Variants in PPM1E observed in about 807,000 individuals in gnomAD.
PPM1E encodes protein phosphatase 1E.
In PPM1E, 20 loss-of-function variants were observed where a neutral mutation model predicts 65.9. The ratio of observed to expected loss-of-function variants is 0.30; its 90% CI spans 0.21 to 0.44. The LOEUF is 0.44. PPM1E is among the 20% of genes least tolerant of loss of function. PPM1E has a pLI of 1.00. For synonymous variants in PPM1E, 352 were observed against 374.9 expected (o/e 0.94, Z 0.70); for missense variants, 713 against 953.1 (o/e 0.75, Z 3.32).
At chr17:58,946,406 TA>T (rs2052151192) in intron 1 of PPM1E, among the ~76,000 whole-genome samples, 1 of 152,178 alleles carries the variant, frequency 6.6e-6, no homozygotes, top group East Asian at 1.9e-4. Flanking sequence ...ATTATTGAAA[TA>T]TAAGGATTCG....
At chr17:58,944,982 C>T (rs1223917109) in intron 1 of PPM1E, among the ~76,000 whole-genome samples, 4 of 152,202 alleles carry the variant, frequency 2.6e-5, no homozygotes, top group East Asian at 1.9e-4. Flanking sequence ...TAGTTGCCAA[C>T]ACCTGTTATT....
chr17:58,880,921 A>G (rs1567862592), intron 1 of PPM1E, among the ~76,000 whole-genome samples: 1 of 152,094 alleles, frequency 6.6e-6, no homozygotes, highest in Non-Finnish European at 1.5e-5. Context: ...GTTTGTGTAT[A>G]TATCAATAAT....
chr17:58,871,861 A>G (rs1426885942), intron 1 of PPM1E, among the ~76,000 whole-genome samples: 1 of 151,602 alleles, frequency 6.6e-6, no homozygotes, highest in Non-Finnish European at 1.5e-5. Context: ...TATATTTGTC[A>G]GTTGTCAGTT....
intron 1 of PPM1E, among the ~76,000 whole-genome samples, chr17:58,775,212 T>C (rs1339747946): frequency 1.3e-5 from 2 of 152,190 alleles, no homozygotes; most frequent in African/African-American, 4.8e-5. Context: ...GCTTGTAATG[T>C]AGAACACTGG....
chr17:58,873,562 A>AGTAT (rs2051094542), intron 1 of PPM1E, among the ~76,000 whole-genome samples: 1 of 123,904 alleles, frequency 8.1e-6, no homozygotes, highest in African/African-American at 2.9e-5. Flanking sequence ...CAAAATGCTC[A>AGTAT]TAGTATTATT....
chr17:58,942,133 C>T (rs751374546), intron 1 of PPM1E, among the ~76,000 whole-genome samples: 3 of 152,068 alleles, frequency 2.0e-5, no homozygotes, highest in Admixed American at 6.6e-5. Context: ...CACCTGTAAT[C>T]CCAGTACTTT....
At chr17:58,763,721 G>A (rs992067165) in intron 1 of PPM1E, among the ~76,000 whole-genome samples, 5 of 152,006 alleles carry the variant, frequency 3.3e-5, no homozygotes, top group African/African-American at 7.2e-5. Flanking sequence ...ATTTCTCTAC[G>A]TTCTTGCTAC....
At chr17:58,852,761 A>G (rs1485245898) in intron 1 of PPM1E, among the ~76,000 whole-genome samples, 2 of 151,628 alleles carry the variant, frequency 1.3e-5, no homozygotes, top group Non-Finnish European at 2.9e-5. Context: ...ACACCACCAC[A>G]TCCAGCTAAT....
chr17:58,888,555 G>A (rs2051309169), intron 1 of PPM1E, among the ~76,000 whole-genome samples: 1 of 151,490 alleles, frequency 6.6e-6, no homozygotes, highest in Non-Finnish European at 1.5e-5. Context: ...GTAGAGACGG[G>A]GTTTCTTCAT....
intron 1 of PPM1E, among the ~76,000 whole-genome samples, chr17:58,888,919 C>A (rs960492665): frequency 6.6e-6 from 1 of 152,068 alleles, no homozygotes; most frequent in African/African-American, 2.4e-5. Context: ...ACATTTTAGA[C>A]AGGTATGGAT....
intron 1 of PPM1E, among the ~76,000 whole-genome samples, chr17:58,854,621 G>GT (rs2050862663): frequency 6.6e-6 from 1 of 151,896 alleles, no homozygotes; most frequent in Admixed American, 6.6e-5. Flanking sequence ...TATCATTAAA[G>GT]TTTTTTTGAA....
In PPM1E at chr17:58,767,766, C is replaced by A. The variant is rs1383413892; in HGVS notation, c.464+11305C>A. Among the ~76,000 whole-genome samples the A allele has an allele frequency of 2.0e-5, 3 of 152,176 alleles. No homozygotes were observed. The East Asian group carries it at 5.8e-4, about 29-fold the overall frequency. On this transcript the variant is annotated intron_variant, in intron 1 of 6. Transcript: ENST00000308249. ...CAAGTGATTCTCCTGCCTTAGGCTC[C>A]CGAGTAGCTGGGATTACAGGCATGC...
chr17:58,902,310 G>A (rs1303029303), intron 1 of PPM1E, among the ~76,000 whole-genome samples: 1 of 151,474 alleles, frequency 6.6e-6, no homozygotes, highest in Admixed American at 6.6e-5. Context: ...TTAATTTAAA[G>A]TTTGTTATAG....
intron 1 of PPM1E, among the ~76,000 whole-genome samples, chr17:58,891,832 C>CTTTTTTTTTTT (rs5821250): frequency 4.7e-5 from 4 of 85,496 alleles, no homozygotes; most frequent in Non-Finnish European, 6.4e-5. Context: ...TTTTCTTTTT[C>CTTTTTTTTTTT]TTTTTTTTTT....
intron 1 of PPM1E, among the ~76,000 whole-genome samples, chr17:58,882,694 A>G (rs2051211266): frequency 6.6e-6 from 1 of 151,756 alleles, no homozygotes; most frequent in African/African-American, 2.4e-5. Flanking sequence ...CCTGGCCTGC[A>G]TTGTTTTTCA....
At chr17:58,799,451 T>C (rs1489535591) in intron 1 of PPM1E, among the ~76,000 whole-genome samples, 1 of 151,866 alleles carries the variant, frequency 6.6e-6, no homozygotes, top group African/African-American at 2.4e-5. Context: ...TCAGTTACTT[T>C]TTTTTTTTTG....
chr17:58,842,359 G>A (rs1009897818), intron 1 of PPM1E, among the ~76,000 whole-genome samples: 2 of 152,136 alleles, frequency 1.3e-5, no homozygotes, highest in African/African-American at 4.8e-5. Context: ...ATCAAACTAT[G>A]GACCAGTTAA....
At chr17:58,905,978 AATTATTG>A (rs1293104183) in intron 1 of PPM1E, among the ~76,000 whole-genome samples, 1 of 152,148 alleles carries the variant, frequency 6.6e-6, no homozygotes, top group Non-Finnish European at 1.5e-5. Context: ...AAAGGTTATT[AATTATTG>A]ATTCAATTTC....
At position 58,859,375 on chromosome 17, in the gene PPM1E, A is replaced by G. The variant is rs116120808; in HGVS notation, c.465-96274A>G. Reference sequence around the variant, plus strand: ...TCAAGGCTCAAAATAATTTAAAGTTACAACAGCTTTAAGTTTAAATTATTT... The same window carrying G: ...TCAAGGCTCAAAATAATTTAAAGTTGCAACAGCTTTAAGTTTAAATTATTT... On this transcript the variant is annotated intron_variant, in intron 1 of 6. Transcript: ENST00000308249. 8.6e-3 allele frequency among the ~76,000 whole-genome samples: 1,306 copies of G among 152,352 alleles called. 19 individuals carry two copies. Among genetic ancestry groups the G allele is most frequent in the African/African-American group, 0.029 (1,218 of 41,576 alleles).
Sources: allele counts gnomAD v4.1 joint callset (sites outside exome capture counted in the v4.1 genomes callset), GRCh38; gene constraint gnomAD v4.1.1; transcripts MANE v1.5; gene names NCBI Gene and HGNC (gene_info 2026-07-23, HGNC 2026-07-21).